The following DHDH variants were observed in gnomAD, a reference collection of about 807,000 sequenced individuals.
DHDH encodes the protein dihydrodiol dehydrogenase.
In DHDH, 29 loss-of-function variants were observed where a neutral mutation model predicts 33.2. That is an observed-to-expected ratio of 0.87 (90% CI 0.65 to 1.19). The LOEUF is 1.19. Among genes scored for constraint, DHDH ranks in the 50% most tolerant of loss-of-function variants. DHDH has a pLI of 0.00. For synonymous variants in DHDH, 201 were observed against 187.9 expected, an observed-to-expected ratio of 1.07 and a Z score of -0.57; for missense variants, 431 against 455.0, an observed-to-expected ratio of 0.95 and a Z score of 0.48.
chr19:48,937,629 A>G (rs1024501771), intron 3 of DHDH, among the ~76,000 whole-genome samples: 4 of 151,474 alleles, frequency 2.6e-5, no homozygotes, highest in Non-Finnish European at 5.9e-5. Flanking sequence ...TGTCTAACAC[A>G]GTGAAACCCC....
chr19:48,944,496 G>T lies in DHDH; in HGVS notation c.884G>T (p.Cys295Phe), dbSNP rs765892707. The stretch of plus-strand genomic sequence containing the variant: ...TATGAGGCCAAGCACGTCTGGGAGT[G>T]CCTACGCAAGGGTAAGGATATGGAT... ...MSYEAKHVWE[C>F]LRKGMKESPV... The change falls in exon 6 of 7, where the codon TGC becomes TTC. Residue 295 changes from cysteine to phenylalanine, a missense_variant. By Grantham distance (205) the Cys-to-Phe change is radical. Coordinates refer to ENST00000221403, the MANE Select transcript of DHDH (RefSeq NM_014475.4). 1 of 1,604,416 alleles carries T rather than the reference G, an allele frequency of 6.2e-7. No individual in the cohort carries two copies. The highest frequency in any genetic ancestry group is 8.5e-7 in the Non-Finnish European group (1 of 1,173,432).
upstream of DHDH, among the ~76,000 whole-genome samples, chr19:48,933,317 T>C (rs750198260): frequency 6.6e-6 from 1 of 152,152 alleles, no homozygotes; most frequent in African/African-American, 2.4e-5. Context: ...CAACCCCTAA[T>C]GATGCGTGGC....
At chr19:48,942,886 C>G (rs1398709051) in intron 5 of DHDH, among the ~76,000 whole-genome samples, 4 of 151,696 alleles carry the variant, frequency 2.6e-5, no homozygotes, top group African/African-American at 9.7e-5. Flanking sequence ...GAAACGCCAT[C>G]TCTACTAAAA....
At position 48,936,117 on chromosome 19, in the gene DHDH, G is replaced by A. The variant is rs555667185; in HGVS notation, c.288G>A (p.Glu96=). 6.2e-7 allele frequency: 1 copy of A among 1,611,514 alleles called. No homozygotes were observed. Among genetic ancestry groups the A allele is most frequent in the African/African-American group, 1.3e-5 (1 of 75,064 alleles). ...CLAAGKAVLC[E]KPTGVNAAEV... ...CGGCGGGCAAGGCCGTTCTGTGCGAGAAGCCCACGGGCGTGAACGCGGCGG... is the reference window on the plus strand; with the variant it reads ...CGGCGGGCAAGGCCGTTCTGTGCGAAAAGCCCACGGGCGTGAACGCGGCGG... The change falls in exon 3 of 7, where the codon GAG becomes GAA. Residue 96 remains glutamate, a synonymous_variant. Coordinates refer to ENST00000221403, the MANE Select transcript of DHDH (RefSeq NM_014475.4).
chr19:48,933,849 G>C (rs754510141), intron 1 of DHDH, 38 bp downstream of exon 1: 18 of 1,590,572 alleles, frequency 1.1e-5, no homozygotes, highest in Admixed American at 3.4e-5. Flanking sequence ...AGAGGAGGCG[G>C]GGGGCGGGAC....
At chr19:48,933,618 A>T, upstream of DHDH, 1 of 1,051,528 alleles carries the variant, frequency 9.5e-7, no homozygotes, top group Non-Finnish European at 1.5e-6. Context: ...GCGTAGGCGC[A>T]ATACGGGCGG....
intron 4 of DHDH, among the ~76,000 whole-genome samples, chr19:48,942,130 C>T (rs2037872017): frequency 6.6e-6 from 1 of 151,986 alleles, no homozygotes; most frequent in Non-Finnish European, 1.5e-5. Flanking sequence ...GCCTCAGCCT[C>T]CCGAGTAGCT....
At chr19:48,937,304 G>T (rs567228853) in intron 3 of DHDH, among the ~76,000 whole-genome samples, 1 of 152,138 alleles carries the variant, frequency 6.6e-6, no homozygotes, top group Admixed American at 6.5e-5. Context: ...CTCCGAGCCC[G>T]GGCGGACCTC....
At chr19:48,940,307 A>G (rs577790846) in intron 4 of DHDH, among the ~76,000 whole-genome samples, 10 of 151,316 alleles carry the variant, frequency 6.6e-5, no homozygotes, top group Non-Finnish European at 1.0e-4. Context: ...GTGAGCTGAG[A>G]TGGCGTCACT....
chr19:48,940,166 C>G (rs576212393), intron 4 of DHDH, among the ~76,000 whole-genome samples: 1 of 151,852 alleles, frequency 6.6e-6, no homozygotes, highest in African/African-American at 2.4e-5. Context: ...ACCACCCTGG[C>G]CAATATGATG....
At position 48,939,693 on chromosome 19, in the gene DHDH, A is replaced by C; in HGVS notation, c.611A>C (p.His204Pro). The C allele has an allele frequency of 6.2e-7, 1 of 1,600,186 alleles. No homozygotes were observed. The highest frequency in any genetic ancestry group is 8.5e-7 in the Non-Finnish European group (1 of 1,169,710). Residue 204 changes from histidine (H) to proline (P), a missense_variant, in exon 4 of 7, where the codon CAT (histidine) becomes CCT (proline). Transcript: ENST00000221403. ...PEKISVVGRR[H>P]ETGVDDTVTV... Reference sequence around the variant, plus strand: ...AAGATTTCTGTCGTGGGAAGGCGTCATGAAACAGGTACCATCTATCCTGGA... The same window carrying C: ...AAGATTTCTGTCGTGGGAAGGCGTCCTGAAACAGGTACCATCTATCCTGGA...
intron 2 of DHDH, 70 bp from the exon 3 acceptor site, chr19:48,935,962 G>T: frequency 1.3e-6 from 2 of 1,543,886 alleles, no homozygotes; most frequent in Non-Finnish European, 1.7e-6. Flanking sequence ...GCGGGGCCTC[G>T]AAGTTGTGGG....
At position 48,935,252 on chromosome 19, in the gene DHDH, T is replaced by C. The variant is rs371066873; in HGVS notation, c.202+141T>C. 68 of 612,904 alleles carry C rather than the reference T, an allele frequency of 1.1e-4. 2 individuals carry two copies. Among genetic ancestry groups the C allele is most frequent in the East Asian group, 1.0e-3 (31 of 29,890 alleles). The allele number at this position is 612,904 out of a possible 1,614,324, so 38.0% of individuals were successfully genotyped here. ...AGACCTTTGGCTGGGAGGAGAACTA[T>C]AAAACGGGCTTGGTCTGGGACTGGC... On this transcript the variant is annotated intron_variant, in intron 2 of 6. Coordinates refer to ENST00000221403, the MANE Select transcript of DHDH (RefSeq NM_014475.4).
At chr19:48,937,675 G>C (rs1036432798) in intron 3 of DHDH, among the ~76,000 whole-genome samples, 1 of 151,978 alleles carries the variant, frequency 6.6e-6, no homozygotes, top group Non-Finnish European at 1.5e-5. Flanking sequence ...AGCCGGGCGT[G>C]GTGGCGGGCG....
chr19:48,939,352 G>A lies in DHDH; in HGVS notation c.367-97G>A, dbSNP rs1263847051. On this transcript the variant is annotated intron_variant, in intron 3 of 6. Coordinates refer to ENST00000221403, the MANE Select transcript of DHDH (RefSeq NM_014475.4). ...GATACAACCTGGGGACTGATGGGCT[G>A]TGTTTGGAGACTGGGTTGCAGTGGG... The A allele has an allele frequency of 8.5e-6, 12 of 1,415,938 alleles. No homozygotes were observed. The Admixed American group carries it at 1.1e-4, about 13-fold the overall frequency. 87.7% of individuals were successfully genotyped at this position (1,415,938 alleles called of 1,614,324 possible). A position where few individuals can be genotyped will look rare whatever the true frequency, so the allele number is the denominator to read the frequency against.
intron 3 of DHDH, among the ~76,000 whole-genome samples, chr19:48,938,075 G>A (rs1413544969): frequency 6.6e-6 from 1 of 152,024 alleles, no homozygotes; most frequent in African/African-American, 2.4e-5. Flanking sequence ...GGTGCTCCAA[G>A]AGGTAGAACT....
At chr19:48,939,105 C>G (rs968911956) in intron 3 of DHDH, among the ~76,000 whole-genome samples, 2 of 151,954 alleles carry the variant, frequency 1.3e-5, no homozygotes, top group Non-Finnish European at 2.9e-5. Context: ...CACAATTCAT[C>G]CCATAACATG....
chr19:48,933,707 C>T lies in DHDH; in HGVS notation c.-15C>T, dbSNP rs2037733885. On this transcript the variant is annotated 5_prime_UTR_variant, in exon 1 of 7. Coordinates refer to ENST00000221403, the MANE Select transcript of DHDH (RefSeq NM_014475.4). ...CTGGAGGGACCGAAGGTGCCGAGGG[C>T]TCCGCATCGCAACCATGGCGCTGCG... 2.5e-6 allele frequency: 4 copies of T among 1,612,892 alleles called. No individual in the cohort carries two copies. Among genetic ancestry groups the T allele is most frequent in the Admixed American group, 3.3e-5 (2 of 60,026 alleles).
chr19:48,933,624 G>A, upstream of DHDH: 1 of 1,132,680 alleles, frequency 8.8e-7, no homozygotes, highest in Non-Finnish European at 1.3e-6. Context: ...GCGCAATACG[G>A]GCGGAGGATG....
Sources: allele counts gnomAD v4.1 joint callset (sites outside exome capture counted in the v4.1 genomes callset), GRCh38; gene constraint gnomAD v4.1.1; transcripts MANE v1.5; gene names NCBI Gene and HGNC (gene_info 2026-07-23, HGNC 2026-07-21).